TUBGCP2: variants seen among roughly 807,000 people sequenced by gnomAD.
TUBGCP2 encodes the protein tubulin gamma complex component 2.
Under a neutral mutation model 92.2 loss-of-function variants are expected in TUBGCP2, and 55 were observed. The ratio of observed to expected loss-of-function variants is 0.60; its 90% CI spans 0.48 to 0.75. The LOEUF (loss-of-function observed/expected upper bound fraction) is 0.75, where lower values mean the gene tolerates loss of function less well. Ranked by LOEUF, TUBGCP2 falls within the 30% of genes least tolerant of loss-of-function variation. TUBGCP2 has a pLI of 0.00. For synonymous variants in TUBGCP2, 533 were observed against 505.2 expected (o/e 1.06, Z -0.74); for missense variants, 1,093 against 1,188.9 (o/e 0.92, Z 1.19).
chr10:133,293,303 T>C (rs1847408955), intron 6 of TUBGCP2, 65 bp from the exon 7 acceptor site: 4 of 1,558,200 alleles, frequency 2.6e-6, no homozygotes, highest in Non-Finnish European at 3.5e-6. Context: ...TGTCCGATAT[T>C]CTGAGTCTCA....
chr10:133,311,913 G>C (rs1440665735), upstream of TUBGCP2: 2 of 1,613,150 alleles, frequency 1.2e-6, no homozygotes, highest in Non-Finnish European at 1.7e-6. Flanking sequence ...GGCTGCACCT[G>C]GGCCGCAGCT....
In TUBGCP2 at chr10:133,300,033, G is replaced by T. The variant is rs367791229; in HGVS notation, c.231C>A (p.Asn77Lys). The part of the protein sequence containing the change: ...YDELKSKNTR[N>K]LDPLVYLLSK... ...ACAACAGGTACACCAGCGGGTCAAGGTTCCTTGTATTTTTAGATTTCAGTT... is the reference window on the plus strand; with the variant it reads ...ACAACAGGTACACCAGCGGGTCAAGTTTCCTTGTATTTTTAGATTTCAGTT... The change falls in exon 3 of 18, where the codon AAC (asparagine) becomes AAA (lysine). Residue 77 changes from asparagine to lysine, a missense_variant. Asn to Lys is a moderately conservative substitution (Grantham distance 94). Around this residue, in one of 3 missense-constraint regions of TUBGCP2, gnomAD observed 490 missense variants for 488.5 expected, o/e 1.00. Coordinates refer to ENST00000252936, the MANE Select transcript of TUBGCP2 (RefSeq NM_006659.4). 1.2e-5 allele frequency: 19 copies of T among 1,614,142 alleles called. No homozygotes were observed. In the African/African-American group the frequency reaches 1.2e-4, roughly 10 times the overall value.
In TUBGCP2 at chr10:133,299,700, C is replaced by T. The variant is rs1589834550; in HGVS notation, c.280-97G>A. On this transcript the variant is annotated intron_variant, in intron 3 of 17. Coordinates refer to ENST00000252936, the MANE Select transcript of TUBGCP2 (RefSeq NM_006659.4). ...ACACCACCAGGACGGCTCCCCAACC[C>T]TGACAGGCACCCATTAATAGCAAAG... 3 of 1,078,560 alleles carry T rather than the reference C, an allele frequency of 2.8e-6. No homozygotes were observed. In the East Asian group the frequency reaches 7.2e-5, roughly 26 times the overall value. The allele number at this position is 1,078,560 out of a possible 1,614,324, so 66.8% of individuals were successfully genotyped here.
intron 8 of TUBGCP2, among the ~76,000 whole-genome samples, chr10:133,291,317 A>G (rs1564938937): frequency 3.9e-4 from 17 of 44,094 alleles, no homozygotes; most frequent in East Asian, 2.0e-3. Context: ...CCTGTACGGG[A>G]GAGGGCAGCA....
At position 133,279,660 on chromosome 10, in the gene TUBGCP2, T is replaced by C. The variant is rs1846914497; in HGVS notation, c.*106A>G. 7.1e-7 allele frequency: 1 copy of C among 1,401,862 alleles called. No individual in the cohort carries two copies. Among genetic ancestry groups the C allele is most frequent in the African/African-American group, 1.5e-5 (1 of 67,040 alleles). 86.8% of individuals were successfully genotyped at this position (1,401,862 alleles called of 1,614,324 possible). On this transcript the variant is annotated 3_prime_UTR_variant, in exon 18 of 18. Transcript: ENST00000252936. The stretch of plus-strand genomic sequence containing the variant: ...CTGAGTCAATCATTCCTGCTTTATA[T>C]TTAAACTGCAAAGACAGAACACAGA...
chr10:133,285,459 TTGA>T lies in TUBGCP2; in HGVS notation c.1889_1891del (p.Ile630del), dbSNP rs756933484. On this transcript the variant is annotated inframe_deletion, in exon 12 of 18. Coordinates refer to ENST00000252936, the MANE Select transcript of TUBGCP2 (RefSeq NM_006659.4). This position sits in a 1 kb window ranked among gnomAD's most constrained non-coding sequence, Gnocchi z 6.8. ...TGCCCGAGCAGCCGACCCGCACCTG[TTGA>T]TGATGAGCGAAAGGGGCCACTTGAC... 1.9e-6 allele frequency: 3 copies of T among 1,613,534 alleles called. No homozygotes were observed. The highest frequency in any genetic ancestry group is 1.3e-5 in the African/African-American group (1 of 75,040).
chr10:133,286,873 T>C (rs112484491), intron 11 of TUBGCP2, among the ~76,000 whole-genome samples: 1 of 152,104 alleles, frequency 6.6e-6, no homozygotes, highest in East Asian at 1.9e-4. Context: ...AAGGCTGCAC[T>C]CGGAGGGATG....
rs748906755 is a variant in TUBGCP2, at chr10:133,281,434, G to C, written c.2412C>G (p.His804Gln). 1.2e-6 allele frequency: 2 copies of C among 1,611,988 alleles called. No homozygotes were observed. Among genetic ancestry groups the C allele is most frequent in the African/African-American group, 1.3e-5 (1 of 74,934 alleles). The change falls in exon 17 of 18, where the codon CAC becomes CAG. Residue 804 changes from histidine (H) to glutamine (Q), a missense_variant and splice_region_variant. By Grantham distance (24) the His-to-Gln change is conservative (BLOSUM62 0). Around this residue, in one of 3 missense-constraint regions of TUBGCP2, gnomAD observed 598 missense variants for 675.5 expected, o/e 0.89. Transcript: ENST00000252936. ...ERARKELARK[H>Q]LAEHADTVQL... ...GCACAGTGTCTGCGTGCTCAGCCAGGTGCTGGAAAGAAAGCCGGGGTGCGT... is the reference window on the plus strand; with the variant it reads ...GCACAGTGTCTGCGTGCTCAGCCAGCTGCTGGAAAGAAAGCCGGGGTGCGT...
upstream of TUBGCP2, chr10:133,309,009 T>C (rs981152303): frequency 3.2e-6 from 4 of 1,255,120 alleles, no homozygotes; most frequent in African/African-American, 4.7e-5. Context: ...AGCCGCTGCC[T>C]GTAGAGCGGG....
At chr10:133,299,656 T>C (rs555966230) in intron 3 of TUBGCP2, 53 bp from the exon 4 acceptor site, 8 of 1,484,634 alleles carry the variant, frequency 5.4e-6, no homozygotes, top group Admixed American at 3.8e-5. Flanking sequence ...TCTTTGGCCA[T>C]AGGGGGAGAG....
upstream of TUBGCP2, chr10:133,309,637 T>G: frequency 7.8e-7 from 1 of 1,274,212 alleles, no homozygotes. Flanking sequence ...TTTGTGAAAC[T>G]TAATTCATAA....
intron 13 of TUBGCP2, among the ~76,000 whole-genome samples, chr10:133,284,243 G>A (rs550659429): frequency 1.3e-3 from 192 of 152,380 alleles, no homozygotes; most frequent in Non-Finnish European, 2.5e-3. Flanking sequence ...CAGCCAGCTG[G>A]ACGGTGGAGA....
chr10:133,307,837 T>G (rs1054241056), intron 1 of TUBGCP2, among the ~76,000 whole-genome samples: 1 of 152,228 alleles, frequency 6.6e-6, no homozygotes, highest in Non-Finnish European at 1.5e-5. Context: ...CGGCCTACAA[T>G]GCACCTAAAC....
chr10:133,300,247 A>C (rs2136135476), intron 2 of TUBGCP2, 134 bp from the exon 3 acceptor site: 4 of 1,021,610 alleles, frequency 3.9e-6, no homozygotes, highest in Middle Eastern at 3.2e-4. Flanking sequence ...CCTCTGAAAT[A>C]AACTAACAAA....
At chr10:133,281,587 TAA>T (rs1167775131) in intron 16 of TUBGCP2, 151 bp from the exon 17 acceptor site, 17 of 1,060,560 alleles carry the variant, frequency 1.6e-5, no homozygotes, top group Non-Finnish European at 2.0e-5. Context: ...AGATTCAAGG[TAA>T]AAAAGACATC....
rs1847034165 is a variant in TUBGCP2, at chr10:133,283,192, G to C, written c.2175C>G (p.His725Gln). 6.2e-7 allele frequency: 1 copy of C among 1,614,234 alleles called. No individual in the cohort carries two copies. The highest frequency in any genetic ancestry group is 8.5e-7 in the Non-Finnish European group (1 of 1,180,046). The change falls in exon 15 of 18, where the codon CAC (histidine) becomes CAG (glutamine). Residue 725 changes from histidine to glutamine, a missense_variant. Coordinates refer to ENST00000252936, the MANE Select transcript of TUBGCP2 (RefSeq NM_006659.4). ...GGCAGGTGTCCAGGAAGCCTGTGTG[G>C]TGGCCAAGGACGTCGTCAATGTTGG... ...SASNIDDVLG[H>Q]HTGFLDTCLK...
upstream of TUBGCP2, chr10:133,311,980 A>G: frequency 6.2e-7 from 1 of 1,609,446 alleles, no homozygotes; most frequent in Non-Finnish European, 8.5e-7. Context: ...CTTCCGCCAG[A>G]GAAGAAAGTC....
intron 17 of TUBGCP2, 57 bp from the exon 18 acceptor site, chr10:133,279,958 G>A (rs1157135064): frequency 9.5e-6 from 15 of 1,579,604 alleles, no homozygotes; most frequent in Non-Finnish European, 1.3e-5. Flanking sequence ...TGCATGCTGG[G>A]CAGCAGGGGT....
At chr10:133,301,069 G>A (rs749878604) in intron 2 of TUBGCP2, among the ~76,000 whole-genome samples, 12 of 152,152 alleles carry the variant, frequency 7.9e-5, no homozygotes, top group African/African-American at 2.7e-4. Context: ...TAGTTTATGC[G>A]TTCATTGTAT....
Sources: allele counts gnomAD v4.1 joint callset (sites outside exome capture counted in the v4.1 genomes callset), GRCh38; gene constraint gnomAD v4.1.1; regional missense constraint gnomAD v4.1.1; non-coding constraint Gnocchi (gnomAD v3.1); transcripts MANE v1.5; gene names NCBI Gene and HGNC (gene_info 2026-07-23, HGNC 2026-07-21).